The following DPP6 variants were observed in gnomAD, a reference collection of about 807,000 sequenced individuals.
DPP6 encodes A-type potassium channel modulatory protein DPP6.
In DPP6, 69 loss-of-function variants were observed where a neutral mutation model predicts 122.6. The ratio of observed to expected loss-of-function variants is 0.56; its 90% CI spans 0.46 to 0.69. The LOEUF is 0.69. Ranked by LOEUF, DPP6 falls within the 30% of genes least tolerant of loss-of-function variation. The pLI, the probability that DPP6 is intolerant of heterozygous loss-of-function variation, is 0.00. For missense variants in DPP6, 928 were observed against 1,116.9 expected (o/e 0.83, Z 2.41); for synonymous variants, 418 against 433.1 (o/e 0.97, Z 0.43).
intron 1 of DPP6, among the ~76,000 whole-genome samples, chr7:154,314,188 G>A (rs1055945582): frequency 6.6e-6 from 1 of 152,176 alleles, no homozygotes; most frequent in African/African-American, 2.4e-5. Context: ...CCTGCTAGCT[G>A]AGGGATATTG....
intron 7 of DPP6, among the ~76,000 whole-genome samples, chr7:154,687,816 A>G (rs543594652): frequency 1.3e-5 from 2 of 152,308 alleles, no homozygotes; most frequent in African/African-American, 4.8e-5. Context: ...ATCTTTGACA[A>G]TTATGTCTTT....
intron 1 of DPP6, among the ~76,000 whole-genome samples, chr7:154,133,068 A>G (rs559845640): frequency 5.3e-5 from 8 of 152,190 alleles, no homozygotes; most frequent in Admixed American, 2.6e-4. Flanking sequence ...TAGCAGTGAT[A>G]TACATAAACA....
At chr7:153,932,438 A>G (rs921835151) in intron 1 of DPP6, among the ~76,000 whole-genome samples, 5 of 152,024 alleles carry the variant, frequency 3.3e-5, no homozygotes, top group African/African-American at 1.2e-4. Flanking sequence ...TTTTGTTTAT[A>G]TGAACTATAA....
chr7:154,880,022 T>C (rs1268443722), intron 20 of DPP6, among the ~76,000 whole-genome samples: 1 of 152,212 alleles, frequency 6.6e-6, no homozygotes. Context: ...AGAAAAGAAA[T>C]TATATTTTCT....
intron 1 of DPP6, among the ~76,000 whole-genome samples, chr7:153,927,404 A>G (rs888100387): frequency 1.3e-5 from 2 of 152,246 alleles, no homozygotes; most frequent in African/African-American, 4.8e-5. Context: ...TATACTTTGT[A>G]AAATGTGATA....
At chr7:154,334,955 G>A (rs1474893174) in intron 1 of DPP6, among the ~76,000 whole-genome samples, 1 of 152,148 alleles carries the variant, frequency 6.6e-6, no homozygotes, top group Non-Finnish European at 1.5e-5. Flanking sequence ...TTCAAGCCAA[G>A]CTTATTTCTG....
chr7:154,823,012 T>C (rs1367133857), intron 16 of DPP6, among the ~76,000 whole-genome samples: 2 of 152,198 alleles, frequency 1.3e-5, no homozygotes, highest in East Asian at 3.9e-4. Flanking sequence ...CATACTATAC[T>C]TTGGGGCCAA....
intron 6 of DPP6, among the ~76,000 whole-genome samples, chr7:154,668,653 G>A (rs556077216): frequency 5.9e-5 from 9 of 152,252 alleles, no homozygotes; most frequent in Middle Eastern, 3.4e-3. Flanking sequence ...TTTTCTACAC[G>A]TTGGAGACAG....
intron 1 of DPP6, among the ~76,000 whole-genome samples, chr7:154,365,736 A>C (rs1812104282): frequency 6.6e-6 from 1 of 151,666 alleles, no homozygotes; most frequent in Non-Finnish European, 1.5e-5. Context: ...GGCGGATCAC[A>C]AGGTCAGGAG....
At chr7:153,972,635 T>C (rs1211727992) in intron 1 of DPP6, among the ~76,000 whole-genome samples, 1 of 150,410 alleles carries the variant, frequency 6.6e-6, no homozygotes, top group Non-Finnish European at 1.5e-5. Context: ...ACAGTGGCAG[T>C]TGGGAAGTGC....
At chr7:153,865,218 C>T in the DPP6 span, among the ~76,000 whole-genome samples, 23 of 152,114 alleles carry the variant, frequency 1.5e-4, 1 homozygote, top group South Asian at 1.2e-3. Context: ...ATGGCAGAGA[C>T]GACAGCAATA....
chr7:154,183,239 A>C (rs1379808910), intron 1 of DPP6, among the ~76,000 whole-genome samples: 2 of 152,156 alleles, frequency 1.3e-5, no homozygotes, highest in African/African-American at 2.4e-5. Context: ...TTTTCAGTGC[A>C]TGACTTTCAC....
chr7:154,525,629 CA>C (rs1827344203), intron 3 of DPP6, among the ~76,000 whole-genome samples: 1 of 152,222 alleles, frequency 6.6e-6, no homozygotes, highest in South Asian at 2.1e-4. Flanking sequence ...ATATGATTAT[CA>C]GTTTCATTAA....
intron 10 of DPP6, among the ~76,000 whole-genome samples, chr7:154,791,941 A>G (rs1380713871): frequency 1.3e-5 from 2 of 152,252 alleles, no homozygotes; most frequent in African/African-American, 4.8e-5. Context: ...ATTAAGAAAT[A>G]GAAAAACTAA....
intron 1 of DPP6, among the ~76,000 whole-genome samples, chr7:154,020,959 G>C (rs187827117): frequency 1.6e-4 from 25 of 152,270 alleles, no homozygotes; most frequent in Non-Finnish European, 4.4e-5. Flanking sequence ...GGAAAGAGCT[G>C]TGAGCCTCTC....
chr7:154,017,997 GATGAAATTCAC>G (rs1798511772), intron 1 of DPP6, among the ~76,000 whole-genome samples: 1 of 152,190 alleles, frequency 6.6e-6, no homozygotes, highest in African/African-American at 2.4e-5. Flanking sequence ...TGCAGGGCCA[GATGAAATTCAC>G]ATGAAGGAGG....
chr7:154,300,327 C>T (rs1301376889), intron 1 of DPP6, among the ~76,000 whole-genome samples: 2 of 152,286 alleles, frequency 1.3e-5, no homozygotes, highest in Non-Finnish European at 2.9e-5. Context: ...TACTTAGCTG[C>T]AAAATGGAGG....
chr7:153,767,659 A>G, the DPP6 span, among the ~76,000 whole-genome samples: 1 of 144,918 alleles, frequency 6.9e-6, no homozygotes, highest in Non-Finnish European at 1.5e-5. Flanking sequence ...GATTATAGCC[A>G]TAAGCCACTG....
chr7:153,844,633 G>C, the DPP6 span, among the ~76,000 whole-genome samples: 4 of 152,134 alleles, frequency 2.6e-5, no homozygotes, highest in South Asian at 6.2e-4. Context: ...AGCATTCTTA[G>C]TTCATGGGTC....
Sources: gnomAD v4.1 joint callset for allele counts (sites outside exome capture counted in the v4.1 genomes callset) on GRCh38, gnomAD v4.1.1 for gene constraint, MANE v1.5 for transcripts, NCBI Gene and HGNC (gene_info 2026-07-23, HGNC 2026-07-21) for gene names.